AKR1B10: variants seen among roughly 807,000 people sequenced by gnomAD.
AKR1B10 encodes ARP.
AKR1B10 carries 39 observed loss-of-function variants against 38.9 expected under a neutral mutation model. The observed-to-expected ratio is 1.00, with a 90% CI of 0.78 to 1.31. The LOEUF is 1.31. Ranked by LOEUF, AKR1B10 falls within the 50% of genes most tolerant of loss-of-function variation. The pLI is 0.00. For synonymous variants in AKR1B10, 148 were observed against 141.2 expected (o/e 1.05, Z -0.34); for missense variants, 361 against 382.6 (o/e 0.94, Z 0.47).
intron 2 of AKR1B10, among the ~76,000 whole-genome samples, chr7:134,531,318 G>T (rs749474219): frequency 3.9e-5 from 6 of 152,220 alleles, no homozygotes; most frequent in Admixed American, 1.3e-4. Context: ...GATGTTGGGT[G>T]TGAGAGGGCT....
In AKR1B10 at chr7:134,538,944, T is replaced by G. The variant is rs1333022461; in HGVS notation, c.835T>G (p.Phe279Val). 3 of 1,613,922 alleles carry G rather than the reference T, an allele frequency of 1.9e-6. No homozygotes were observed. The highest frequency in any genetic ancestry group is 2.5e-6 in the Non-Finnish European group (3 of 1,179,970). The change falls in exon 9 of 10, where the codon TTT (phenylalanine) becomes GTT (valine). Residue 279 changes from phenylalanine (F) to valine (V), a missense_variant. Phe to Val is a conservative substitution (Grantham distance 50, BLOSUM62 -1). Around this residue, in one of 3 missense-constraint regions of AKR1B10, gnomAD observed 132 missense variants for 134.6 expected, o/e 0.98. Transcript: ENST00000359579. ...ACTCCTACCTTTCCAGGTCTTTGAC[T>G]TTAAATTGAGTGATGAGGAGATGGC... ...RIVENIQVFD[F>V]KLSDEEMATI...
intron 4 of AKR1B10, among the ~76,000 whole-genome samples, chr7:134,534,880 C>T (rs1476584867): frequency 6.6e-6 from 1 of 152,204 alleles, no homozygotes; most frequent in African/African-American, 2.4e-5. Context: ...TGGTTCTCAA[C>T]GTGGCTATGC....
intron 7 of AKR1B10, 45 bp downstream of exon 7, chr7:134,537,706 C>T: frequency 6.2e-7 from 1 of 1,603,968 alleles, no homozygotes. Context: ...CTCATTCTTC[C>T]AGTCTCGTGT....
chr7:134,540,453 G>A (rs1319027217), intron 9 of AKR1B10, among the ~76,000 whole-genome samples: 1 of 152,160 alleles, frequency 6.6e-6, no homozygotes, highest in Non-Finnish European at 1.5e-5. Context: ...TTCTGGCAAT[G>A]GGTAGCAATG....
rs1199077596 is a variant in AKR1B10, at chr7:134,532,154, G to T, written c.351+130G>T. The T allele has an allele frequency of 3.2e-5, 36 of 1,139,632 alleles. No homozygotes were observed. The East Asian group carries it at 7.8e-4, about 25-fold the overall frequency. 70.6% of individuals were successfully genotyped at this position (1,139,632 alleles called of 1,614,324 possible). A position where few individuals can be genotyped will look rare whatever the true frequency, so the allele number is the denominator to read the frequency against. ...CATTTCATAATTGGGAATGGCAGGT[G>T]GTCAGGAAGAGACCTTGGAGAAGAA... On this transcript the variant is annotated intron_variant, in intron 3 of 9. Coordinates refer to ENST00000359579, the MANE Select transcript of AKR1B10 (RefSeq NM_020299.5).
At chr7:134,530,561 G>A in intron 1 of AKR1B10, 82 bp from the exon 2 acceptor site, 1 of 1,517,122 alleles carries the variant, frequency 6.6e-7, no homozygotes, top group Non-Finnish European at 9.0e-7. Flanking sequence ...ACCTGGGAGT[G>A]TGAGGCCAGC....
chr7:134,527,968 C>G lies in AKR1B10; in HGVS notation c.57C>G (p.Gly19=). ...CCAAGATGCCCATTGTGGGCCTGGG[C>G]ACTTGGAAGGTAAATATGCAAATCT... is the stretch of plus-strand genomic sequence containing the variant. ...TKAKMPIVGL[G]TWKSPLGKVK... Residue 19 remains glycine, a synonymous_variant, in exon 1 of 10, where the codon GGC becomes GGG. Coordinates refer to ENST00000359579, the MANE Select transcript of AKR1B10 (RefSeq NM_020299.5). The G allele has an allele frequency of 6.2e-7, 1 of 1,613,976 alleles. No individual in the cohort carries two copies. The highest frequency in any genetic ancestry group is 8.5e-7 in the Non-Finnish European group (1 of 1,179,924).
intron 2 of AKR1B10, 86 bp downstream of exon 2, chr7:134,530,896 C>A: frequency 3.3e-6 from 5 of 1,511,954 alleles, no homozygotes; most frequent in Non-Finnish European, 4.5e-6. Context: ...CTCTGTCAGC[C>A]TTTTCTACAT....
intron 8 of AKR1B10, 124 bp from the exon 9 acceptor site, chr7:134,538,811 G>A (rs1808077912): frequency 8.9e-6 from 10 of 1,121,486 alleles, no homozygotes; most frequent in Non-Finnish European, 1.3e-5. Flanking sequence ...GACAGAATGG[G>A]AAAAACTCCT....
chr7:134,531,163 A>C (rs1457678306), intron 2 of AKR1B10, among the ~76,000 whole-genome samples: 2 of 152,076 alleles, frequency 1.3e-5, no homozygotes. Flanking sequence ...CCCTTTCAGC[A>C]CTGTGATCTC....
rs1311265753 is a variant in AKR1B10, at chr7:134,532,015, G to T, written c.342G>T (p.Gln114His). The change falls in exon 3 of 10, where the codon CAG becomes CAT. Residue 114 changes from glutamine (Q) to histidine (H), a missense_variant. By Grantham distance (24) the Gln-to-His change is conservative (BLOSUM62 0). Around this residue, in one of 3 missense-constraint regions of AKR1B10, gnomAD observed 220 missense variants for 216.1 expected, o/e 1.02. Transcript: ENST00000359579. ...ACGTCTATCTTATTCACTGGCCACA[G>T]GGATTCAAGGTTTAAGACACTCTCT... The part of the protein sequence containing the change: ...YLDVYLIHWP[Q>H]GFKSGDDLFP... 6.2e-7 allele frequency: 1 copy of T among 1,614,116 alleles called. No homozygotes were observed. The highest frequency in any genetic ancestry group is 1.7e-5 in the Admixed American group (1 of 60,026).
rs780309348 is a variant in AKR1B10, at chr7:134,536,916, G to A, written c.553-135G>A. 93 of 1,577,990 alleles carry A rather than the reference G, an allele frequency of 5.9e-5. No homozygotes were observed. The Admixed American group carries it at 8.5e-4, about 14-fold the overall frequency. On this transcript the variant is annotated intron_variant, in intron 5 of 9. Transcript: ENST00000359579. ...TGGGGAGGTGTGAGGCTGATCTCAC[G>A]GGTGATTTAGCAAGTATCTCAGTGG... is the stretch of plus-strand genomic sequence containing the variant.
At position 134,527,722 on chromosome 7, in the gene AKR1B10, T is replaced by C; in HGVS notation, c.-190T>C. 2.3e-6 allele frequency: 1 copy of C among 431,288 alleles called. No homozygotes were observed. Among genetic ancestry groups the C allele is most frequent in the Non-Finnish European group, 3.7e-6 (1 of 267,276 alleles). The allele number at this position is 431,288 out of a possible 1,614,324, so 26.7% of individuals were successfully genotyped here. On this transcript the variant is annotated 5_prime_UTR_variant, in exon 1 of 10. Coordinates refer to ENST00000359579, the MANE Select transcript of AKR1B10 (RefSeq NM_020299.5). The stretch of plus-strand genomic sequence containing the variant: ...TTAGCTGGGAGTCACGGTGGGCGCC[T>C]GTAATCCCAGCTACTCGGGAGGCTG...
At chr7:134,538,383 C>T (rs1808069315) in intron 8 of AKR1B10, 106 bp downstream of exon 8, 1 of 1,091,664 alleles carries the variant, frequency 9.2e-7, no homozygotes, top group African/African-American at 1.6e-5. Context: ...TTTGCCCCCT[C>T]CCTTCCCACC....
At position 134,541,103 on chromosome 7, in the gene AKR1B10, G is replaced by C. The variant is rs776237038; in HGVS notation, c.*14G>C. On this transcript the variant is annotated 3_prime_UTR_variant, in exon 10 of 10. Transcript: ENST00000359579. The stretch of plus-strand genomic sequence containing the variant: ...GCAGAATATTGAGGTTGAATCTCCT[G>C]GTGAGATTATACAGGAGATTCTCTT... The C allele has an allele frequency of 6.4e-7, 1 of 1,551,338 alleles. No homozygotes were observed. The highest frequency in any genetic ancestry group is 1.4e-5 in the African/African-American group (1 of 73,288).
chr7:134,537,732 G>C (rs1808051784), intron 7 of AKR1B10, 71 bp downstream of exon 7: 3 of 1,570,170 alleles, frequency 1.9e-6, no homozygotes, highest in Non-Finnish European at 2.6e-6. Context: ...ATCCTGTGTT[G>C]TCCTCAACAA....
chr7:134,534,287 A>G (rs1394513373), intron 4 of AKR1B10, among the ~76,000 whole-genome samples: 1 of 151,948 alleles, frequency 6.6e-6, no homozygotes, highest in African/African-American at 2.4e-5. Context: ...ACGCCTGGCT[A>G]ATTTTTGTAT....
In AKR1B10 at chr7:134,541,319, C is replaced by T. The variant is rs1377188451; in HGVS notation, c.*230C>T. Reference sequence around the variant, plus strand: ...AATAAGGAAATGACAATTTTTTCCACTTATCTGATCAGAACAAATGTTTAT... The same window carrying T: ...AATAAGGAAATGACAATTTTTTCCATTTATCTGATCAGAACAAATGTTTAT... On this transcript the variant is annotated 3_prime_UTR_variant, in exon 10 of 10. Coordinates refer to ENST00000359579, the MANE Select transcript of AKR1B10 (RefSeq NM_020299.5). The T allele has an allele frequency of 4.3e-6, 2 of 468,546 alleles. No individual in the cohort carries two copies. The highest frequency in any genetic ancestry group is 4.1e-5 in the East Asian group (1 of 24,338). 29.0% of individuals were successfully genotyped at this position (468,546 alleles called of 1,614,324 possible).
rs918591913 is a variant in AKR1B10 at position 134,537,649 on chromosome 7, A to C, written c.729A>C (p.Lys243Asn). 5 of 1,614,164 alleles carry C rather than the reference A, an allele frequency of 3.1e-6. No individual in the cohort carries two copies. The highest frequency in any genetic ancestry group is 3.4e-6 in the Non-Finnish European group (4 of 1,179,998). The change falls in exon 7 of 10, where the codon AAA becomes AAC. Residue 243 changes from lysine to asparagine, a missense_variant. By Grantham distance (94) the Lys-to-Asn change is moderately conservative (BLOSUM62 0). Around this residue, in one of 3 missense-constraint regions of AKR1B10, gnomAD observed 132 missense variants for 134.6 expected, o/e 0.98. Transcript: ENST00000359579. ...AGGAGATTGCTGCAAAGCACAAAAAAACCGCAGCCCAGGTGCCATATTTTT... is the reference window on the plus strand; with the variant it reads ...AGGAGATTGCTGCAAAGCACAAAAACACCGCAGCCCAGGTGCCATATTTTT... ...KIKEIAAKHK[K>N]TAAQVLIRFH...
Sources: allele counts gnomAD v4.1 joint callset (sites outside exome capture counted in the v4.1 genomes callset), GRCh38; gene constraint gnomAD v4.1.1; regional missense constraint gnomAD v4.1.1; transcripts MANE v1.5; gene names NCBI Gene and HGNC (gene_info 2026-07-23, HGNC 2026-07-21).